XPNPEP2: variants seen among roughly 807,000 people sequenced by gnomAD.
XPNPEP2 encodes xaa-Pro aminopeptidase 2.
A neutral mutation model predicts 59.8 loss-of-function variants in XPNPEP2; 64 were observed. The observed-to-expected ratio is 1.07, with a 90% CI of 0.87 to 1.32. The LOEUF is 1.32. Ranked by LOEUF, XPNPEP2 falls within the 40% of genes most tolerant of loss-of-function variation. The probability of loss-of-function intolerance (pLI) is 0.00; values close to 1 mark genes in which losing one functional copy is unlikely to be tolerated. For missense variants in XPNPEP2, 575 were observed against 546.8 expected (o/e 1.05, Z -0.51); for synonymous variants, 235 against 210.0 (o/e 1.12, Z -1.03).
intron 9 of XPNPEP2, 112 bp from the exon 10 acceptor site, chrX:129,752,038 C>G (rs1400315654): frequency 6.1e-6 from 6 of 975,889 alleles, no homozygotes; most frequent in Non-Finnish European, 8.5e-6. Context: ...CTGCTTGGCT[C>G]CCTGGGGCTG....
rs56014067 is a variant in XPNPEP2 at position 129,765,635 on chromosome X, CTTT to C, written c.1741-1948_1741-1946del. Reference sequence around the variant, plus strand: ...TATTTCTTTTTTTCTTTCTTTCTTTCTTTTTTTTTTTTTTTTTTTTTTGATGGA... The same window carrying C: ...TATTTCTTTTTTTCTTTCTTTCTTTCTTTTTTTTTTTTTTTTTTTGATGGA... On this transcript the variant is annotated intron_variant, in intron 19 of 20. Transcript: ENST00000371106. Among the ~76,000 whole-genome samples, 322 of 67,287 alleles carry C rather than the reference CTTT, an allele frequency of 4.8e-3. 2 individuals are homozygous for C. The highest frequency in any genetic ancestry group is 0.01 in the African/African-American group (175 of 16,770). The allele number at this position is 67,287 out of a possible 115,157, so 58.4% of individuals were successfully genotyped here. A position where few individuals can be genotyped will look rare whatever the true frequency, so the allele number is the denominator to read the frequency against.
intron 1 of XPNPEP2, among the ~76,000 whole-genome samples, chrX:129,741,721 G>A (rs984083217): frequency 2.7e-5 from 3 of 112,034 alleles, no homozygotes; most frequent in Non-Finnish European, 5.6e-5. Flanking sequence ...AAATGAAGGT[G>A]GGGTGATTAT....
chrX:129,755,138 G>C (rs1926494417), intron 12 of XPNPEP2, among the ~76,000 whole-genome samples, 156 bp from the exon 13 acceptor site: 1 of 112,420 alleles, frequency 8.9e-6, no homozygotes, highest in Non-Finnish European at 1.9e-5. Flanking sequence ...CAGGGCTTGA[G>C]GAGATGGAAC....
chrX:129,755,770 G>A lies in XPNPEP2; in HGVS notation c.1295+399G>A, dbSNP rs570998504. On this transcript the variant is annotated intron_variant, in intron 13 of 20. Transcript: ENST00000371106. ...GCCCTATAGAAAACAAACCCCTGCA[G>A]GCCTGCCTGATGAAAAGCTGACCAG... 7.1e-5 allele frequency among the ~76,000 whole-genome samples: 8 copies of A among 112,975 alleles called. No individual in the cohort carries two copies. The South Asian group carries it at 2.9e-3, about 41-fold the overall frequency.
At chrX:129,742,228 C>G (rs1378721977) in intron 2 of XPNPEP2, 47 bp downstream of exon 2, 5 of 677,563 alleles carry the variant, frequency 7.4e-6, no homozygotes, top group East Asian at 1.2e-4. Flanking sequence ...GCCCCACGCA[C>G]CCCCCCACCC....
intron 14 of XPNPEP2, among the ~76,000 whole-genome samples, chrX:129,756,894 G>A (rs773127221): frequency 1.9e-5 from 2 of 105,161 alleles, no homozygotes; most frequent in African/African-American, 7.0e-5. Flanking sequence ...GTGCAGTGGC[G>A]CGATCTTGGC....
chrX:129,751,193 A>T (rs1301013261), intron 8 of XPNPEP2, among the ~76,000 whole-genome samples: 3 of 102,811 alleles, frequency 2.9e-5, no homozygotes, highest in Non-Finnish European at 5.9e-5. Context: ...CAAAGGAAAC[A>T]GTGGGGCAAA....
intron 11 of XPNPEP2, among the ~76,000 whole-genome samples, chrX:129,753,530 C>T (rs754876690): frequency 9.0e-6 from 1 of 110,988 alleles, no homozygotes; most frequent in East Asian, 2.8e-4. Flanking sequence ...GTAGTCCCAG[C>T]TACTCAGGAG....
chrX:129,768,735 C>A lies in XPNPEP2; in HGVS notation c.*250C>A. On this transcript the variant is annotated 3_prime_UTR_variant, in exon 21 of 21. Transcript: ENST00000371106. ...CACACCCTGGGCCCCTAATCCCAGGCCCCGAGATAGGAAAGCCAGCTAGTC... is the reference window on the plus strand; with the variant it reads ...CACACCCTGGGCCCCTAATCCCAGGACCCGAGATAGGAAAGCCAGCTAGTC... 1 of 282,838 alleles carries A rather than the reference C, an allele frequency of 3.5e-6. No homozygotes were observed. Among genetic ancestry groups the A allele is most frequent in the Admixed American group, 5.8e-5 (1 of 17,127 alleles). 23.3% of individuals were successfully genotyped at this position (282,838 alleles called of 1,213,427 possible).
intron 2 of XPNPEP2, among the ~76,000 whole-genome samples, chrX:129,743,585 T>C (rs918264388): frequency 8.9e-6 from 1 of 112,771 alleles, no homozygotes; most frequent in African/African-American, 3.2e-5. Context: ...TTTTATTTGC[T>C]AATCTGGCAA....
rs769753650 is a variant in XPNPEP2 at position 129,768,441 on chromosome X, G to C, written c.1981G>C (p.Val661Leu). Residue 661 changes from valine (V) to leucine (L), a missense_variant, in exon 21 of 21, where the codon GTG (valine) becomes CTG (leucine). Transcript: ENST00000371106. ...RAPDTASWASVLVVSTLAILG... is the reference protein window; with the variant it reads ...RAPDTASWASLLVVSTLAILG... Reference sequence around the variant, plus strand: ...CCCAGACACCGCCTCCTGGGCCTCTGTGTTAGTGGTCTCCACCCTTGCCAT... The same window carrying C: ...CCCAGACACCGCCTCCTGGGCCTCTCTGTTAGTGGTCTCCACCCTTGCCAT... The C allele has an allele frequency of 2.8e-5, 34 of 1,198,060 alleles. No homozygotes were observed. The highest frequency in any genetic ancestry group is 3.4e-5 in the Non-Finnish European group (30 of 890,266).
At position 129,752,356 on chromosome X, in the gene XPNPEP2, C is replaced by T. The variant is rs192592840; in HGVS notation, c.1017+11C>T. 779 of 1,205,817 alleles carry T rather than the reference C, an allele frequency of 6.5e-4. 3 individuals are homozygous for T. The African/African-American group carries it at 0.012, about 18-fold the overall frequency. ...GAAATGATACCCAAGGTGGGTTTGC[C>T]AGGCCCCAGCCCAAGCCAGGCACCA... On this transcript the variant is annotated intron_variant, in intron 10 of 20. Transcript: ENST00000371106.
chrX:129,754,970 G>A (rs967530133), intron 12 of XPNPEP2, among the ~76,000 whole-genome samples: 1 of 111,781 alleles, frequency 8.9e-6, no homozygotes, highest in East Asian at 2.8e-4. Flanking sequence ...GGTCAGGGCC[G>A]GATTGTAGGT....
At chrX:129,762,100 A>T (rs1926667639) in intron 18 of XPNPEP2, 35 bp downstream of exon 18, 1 of 1,188,409 alleles carries the variant, frequency 8.4e-7, no homozygotes, top group African/African-American at 1.8e-5. Flanking sequence ...TCACCACCCC[A>T]TCCCAGAGCA....
At chrX:129,760,330 C>T (rs889444446) in intron 15 of XPNPEP2, among the ~76,000 whole-genome samples, 182 bp from the exon 16 acceptor site, 1 of 112,719 alleles carries the variant, frequency 8.9e-6, no homozygotes, top group African/African-American at 3.2e-5. Flanking sequence ...GGAAGGCCCT[C>T]CTCAGCCTCT....
Position 129,768,313 on chromosome X carries a change from A to T in XPNPEP2, c.1853A>T (p.Tyr618Phe). 8.4e-7 allele frequency: 1 copy of T among 1,191,334 alleles called. No individual in the cohort carries two copies. Among genetic ancestry groups the T allele is most frequent in the Non-Finnish European group, 1.1e-6 (1 of 886,823 alleles). The change falls in exon 21 of 21, where the codon TAC becomes TTC. Residue 618 changes from tyrosine to phenylalanine, a missense_variant. Transcript: ENST00000371106. ...CAGCTCCAGTACCTGAATCGCTACT[A>T]CCAGACCATCCGGGAGAAGGTGGGT... is the stretch of plus-strand genomic sequence containing the variant. ...PEHLQYLNRY[Y>F]QTIREKVGPE...
At chrX:129,759,046 A>C (rs1282424759) in intron 14 of XPNPEP2, 134 bp from the exon 15 acceptor site, 4 of 693,652 alleles carry the variant, frequency 5.8e-6, no homozygotes, top group Non-Finnish European at 8.9e-6. Context: ...GATTTTGATT[A>C]TGGTAGCTGT....
rs1926200480 is a variant in XPNPEP2 at position 129,742,190 on chromosome X, C to T, written c.123+9C>T. ...GTTCCACCAACCCCCCTGTGAGTGC[C>T]CCCTGCCCCCCGCGCACGGCCCCCC... On this transcript the variant is annotated intron_variant, in intron 2 of 20. Coordinates refer to ENST00000371106, the MANE Select transcript of XPNPEP2 (RefSeq NM_003399.6). 4 of 986,314 alleles carry T rather than the reference C, an allele frequency of 4.1e-6. No individual in the cohort carries two copies. Among genetic ancestry groups the T allele is most frequent in the Non-Finnish European group, 5.4e-6 (4 of 747,484 alleles). The allele number at this position is 986,314 out of a possible 1,213,427, so 81.3% of individuals were successfully genotyped here.
chrX:129,751,954 G>C, intron 9 of XPNPEP2, 128 bp downstream of exon 9: 1 of 817,271 alleles, frequency 1.2e-6, no homozygotes, highest in Non-Finnish European at 1.8e-6. Context: ...GCTGCAGCAC[G>C]ACCCTTTAGA....
Sources: gnomAD v4.1 joint callset for allele counts (sites outside exome capture counted in the v4.1 genomes callset) on GRCh38, gnomAD v4.1.1 for gene constraint, MANE v1.5 for transcripts, NCBI Gene and HGNC (gene_info 2026-07-23, HGNC 2026-07-21) for gene names.